Variants in GRB2 observed in about 807,000 individuals in gnomAD.
GRB2 encodes the protein growth factor receptor-bound protein 2.
GRB2 carries 2 observed loss-of-function variants against 27.4 expected under a neutral mutation model. The observed-to-expected ratio is 0.07, with a 90% CI of 0.03 to 0.23. The LOEUF is 0.23. Among genes scored for constraint, GRB2 ranks in the 10% least tolerant of loss-of-function variants. The probability of loss-of-function intolerance (pLI) is 1.00; values close to 1 mark genes in which losing one functional copy is unlikely to be tolerated. For missense variants in GRB2, 102 were observed against 282.4 expected, an observed-to-expected ratio of 0.36 and a Z score of 4.58; for synonymous variants, 94 against 99.6, an observed-to-expected ratio of 0.94 and a Z score of 0.33.
chr17:75,360,584 T>C (rs1018198763), intron 2 of GRB2, among the ~76,000 whole-genome samples: 18 of 152,190 alleles, frequency 1.2e-4, no homozygotes, highest in African/African-American at 4.3e-4. Flanking sequence ...AACACCATCA[T>C]TACCACTTGT....
chr17:75,325,770 G>T, intron 4 of GRB2, 128 bp downstream of exon 4: 1 of 967,408 alleles, frequency 1.0e-6, no homozygotes, highest in Non-Finnish European at 1.6e-6. Flanking sequence ...GGATTTTAAT[G>T]TGAAATGAAG....
At chr17:75,383,139 TTAAAG>T (rs1330630450) in intron 2 of GRB2, among the ~76,000 whole-genome samples, 1 of 152,212 alleles carries the variant, frequency 6.6e-6, no homozygotes, top group Non-Finnish European at 1.5e-5. Flanking sequence ...CTTAATATCC[TTAAAG>T]TAAATACTAT....
rs142735580 is a variant in GRB2, at chr17:75,400,225, G to A, written c.-138+5264C>T. On this transcript the variant is annotated intron_variant, in intron 1 of 5. Transcript: ENST00000316804. The stretch of plus-strand genomic sequence containing the variant: ...GTCTTGCTCTGTCACCCAGGCTGAA[G>A]TGCAATGGCACGATCTCAGCTCACT... 7.9e-3 allele frequency among the ~76,000 whole-genome samples: 1,206 copies of A among 152,242 alleles called. 20 individuals are homozygous for A. Among genetic ancestry groups the A allele is most frequent in the African/African-American group, 0.028 (1,146 of 41,550 alleles).
At position 75,393,631 on chromosome 17, in the gene GRB2, T is replaced by C. The variant is rs199825064; in HGVS notation, c.-3A>G. The C allele has an allele frequency of 1.9e-6, 3 of 1,613,592 alleles. No homozygotes were observed. In the East Asian group the frequency reaches 6.7e-5, roughly 36 times the overall value. ...TCATATTTGGCGATGGCTTCCATTC[T>C]GAGCGCTGCTCAGTGCTCAGCAGCC... On this transcript the variant is annotated 5_prime_UTR_variant, in exon 2 of 6. Coordinates refer to ENST00000316804, the MANE Select transcript of GRB2 (RefSeq NM_002086.5).
intron 2 of GRB2, chr17:75,372,805 T>C (rs2078864554): frequency 1.3e-5 from 2 of 152,226 alleles, no homozygotes; most frequent in East Asian, 1.9e-4. Context: ...ATCAGGCACA[T>C]GGAAGACAAA....
At chr17:75,392,619 A>C (rs919464797) in intron 2 of GRB2, among the ~76,000 whole-genome samples, 4 of 152,192 alleles carry the variant, frequency 2.6e-5, no homozygotes, top group Admixed American at 2.6e-4. Flanking sequence ...AAATTCCAAC[A>C]ATCAGTCTAA....
chr17:75,379,928 T>C (rs2078917090), intron 2 of GRB2, among the ~76,000 whole-genome samples: 1 of 152,212 alleles, frequency 6.6e-6, no homozygotes, highest in South Asian at 2.1e-4. Flanking sequence ...GAGACTGACC[T>C]AAGTCAAAAG....
intron 1 of GRB2, among the ~76,000 whole-genome samples, chr17:75,397,914 T>TTG (rs2079038718): frequency 6.6e-6 from 1 of 152,030 alleles, no homozygotes; most frequent in Non-Finnish European, 1.5e-5. Flanking sequence ...CGATCTCAGG[T>TTG]CACTGCAACC....
chr17:75,363,244 G>C (rs1209478628), intron 2 of GRB2, among the ~76,000 whole-genome samples: 1 of 152,088 alleles, frequency 6.6e-6, no homozygotes, highest in African/African-American at 2.4e-5. Flanking sequence ...TATCTTCTTT[G>C]GTCAATGTGT....
intron 2 of GRB2, among the ~76,000 whole-genome samples, chr17:75,356,121 A>T (rs1474939481): frequency 6.6e-6 from 1 of 151,996 alleles, no homozygotes; most frequent in African/African-American, 2.4e-5. Flanking sequence ...GGCATGAGCC[A>T]CCGCACCTGG....
intron 2 of GRB2, among the ~76,000 whole-genome samples, chr17:75,368,629 G>A (rs1481762708): frequency 1.3e-5 from 2 of 151,290 alleles, no homozygotes; most frequent in Non-Finnish European, 2.9e-5. Context: ...TCAACCTCCC[G>A]GCTCAAATGA....
intron 2 of GRB2, among the ~76,000 whole-genome samples, chr17:75,348,090 G>C (rs548425097): frequency 2.6e-4 from 39 of 152,324 alleles, no homozygotes; most frequent in African/African-American, 9.1e-4. Flanking sequence ...GCCCAGGCTG[G>C]AGTGCAGAGG....
chr17:75,396,686 C>T (rs2079031152), intron 1 of GRB2, among the ~76,000 whole-genome samples: 1 of 152,062 alleles, frequency 6.6e-6, no homozygotes, highest in African/African-American at 2.4e-5. Flanking sequence ...GCCACCACGC[C>T]CAGCCCTATT....
intron 2 of GRB2, among the ~76,000 whole-genome samples, chr17:75,338,253 C>T (rs974956813): frequency 9.2e-5 from 14 of 151,854 alleles, no homozygotes; most frequent in Non-Finnish European, 1.8e-4. Flanking sequence ...TTCATAGAGA[C>T]GGGGTTTCAC....
intron 3 of GRB2, among the ~76,000 whole-genome samples, chr17:75,331,145 G>T (rs1055000167): frequency 8.5e-5 from 13 of 152,172 alleles, no homozygotes; most frequent in African/African-American, 3.1e-4. Flanking sequence ...CGTCTGCAAG[G>T]CCAAACACCT....
intron 2 of GRB2, among the ~76,000 whole-genome samples, chr17:75,363,979 A>C (rs2078803503): frequency 1.3e-5 from 2 of 151,998 alleles, no homozygotes; most frequent in East Asian, 3.9e-4. Flanking sequence ...CCTCTGCACA[A>C]ACTTCATTGC....
At chr17:75,337,107 TCACGTTATCAG>T (rs2078582631) in intron 2 of GRB2, among the ~76,000 whole-genome samples, 2 of 152,280 alleles carry the variant, frequency 1.3e-5, no homozygotes, top group East Asian at 3.9e-4. Context: ...ATCCAGAATA[TCACGTTATCAG>T]ATAGCCCAGG....
intron 2 of GRB2, among the ~76,000 whole-genome samples, chr17:75,390,739 T>C (rs1161494611): frequency 6.6e-6 from 1 of 152,190 alleles, no homozygotes; most frequent in African/African-American, 2.4e-5. Flanking sequence ...AACTAAAAGT[T>C]AACCAGGAAC....
intron 3 of GRB2, among the ~76,000 whole-genome samples, chr17:75,327,361 G>A (rs2078505601): frequency 1.3e-5 from 2 of 149,812 alleles, no homozygotes; most frequent in Admixed American, 1.3e-4. Flanking sequence ...TTACAGGCAT[G>A]AGCCACTACG....
Sources: gnomAD v4.1 joint callset for allele counts (sites outside exome capture counted in the v4.1 genomes callset) on GRCh38, gnomAD v4.1.1 for gene constraint, MANE v1.5 for transcripts, NCBI Gene and HGNC (gene_info 2026-07-23, HGNC 2026-07-21) for gene names.